NTRK3: variants seen among roughly 807,000 people sequenced by gnomAD.
The protein encoded by NTRK3 is neurotrophic receptor tyrosine kinase 3, also known as NT-3 growth factor receptor.
In NTRK3, 24 loss-of-function variants were observed where a neutral mutation model predicts 91.7. The observed-to-expected ratio is 0.26, with a 90% CI of 0.19 to 0.37. The LOEUF (loss-of-function observed/expected upper bound fraction) is 0.37. NTRK3 is among the 10% of genes least tolerant of loss of function. The pLI is 1.00. For missense variants in NTRK3, 880 were observed against 1,068.9 expected (o/e 0.82, Z 2.46); for synonymous variants, 483 against 404.0 (o/e 1.20, Z -2.34).
At chr15:88,142,746 G>A (rs1245306205) in intron 6 of NTRK3, among the ~76,000 whole-genome samples, 1 of 152,208 alleles carries the variant, frequency 6.6e-6, no homozygotes, top group Non-Finnish European at 1.5e-5. Context: ...CATTTCAAGT[G>A]AATACACTGG....
chr15:88,252,057 A>G (rs1295304584), intron 3 of NTRK3, among the ~76,000 whole-genome samples: 1 of 152,154 alleles, frequency 6.6e-6, no homozygotes, highest in East Asian at 1.9e-4. Context: ...CCAGGGCCTC[A>G]GGAGACCAAG....
Position 88,238,552 on chromosome 15 carries a change from G to A in NTRK3, c.248+17354C>T, listed in dbSNP as rs560511855. On this transcript the variant is annotated intron_variant, in intron 3 of 18. Transcript: ENST00000394480. ...TCTCCCTAGAGGCCAAGACTGTCAC[G>A]AAATTGGTTTGTATTCAGCCCACGA... Among the ~76,000 whole-genome samples the A allele has an allele frequency of 5.9e-5, 9 of 152,218 alleles. No homozygotes were observed. The South Asian group carries it at 1.2e-3, about 21-fold the overall frequency.
intron 14 of NTRK3, among the ~76,000 whole-genome samples, chr15:88,000,058 A>C (rs541185570): frequency 1.3e-5 from 2 of 152,296 alleles, no homozygotes; most frequent in Admixed American, 1.3e-4. Flanking sequence ...TCTTAGTGCT[A>C]TGATGGTGAT....
intron 14 of NTRK3, among the ~76,000 whole-genome samples, chr15:88,020,884 C>A (rs766862112): frequency 6.6e-6 from 1 of 152,232 alleles, no homozygotes; most frequent in Non-Finnish European, 1.5e-5. Context: ...ATATTCTCTT[C>A]TTTAAATAAG....
At chr15:87,944,373 G>C (rs993748695) in intron 14 of NTRK3, among the ~76,000 whole-genome samples, 1 of 152,216 alleles carries the variant, frequency 6.6e-6, no homozygotes, top group Non-Finnish European at 1.5e-5. Context: ...GTAGGGCAAA[G>C]GGAATTAACT....
At chr15:88,231,731 A>G (rs1313423402) in intron 3 of NTRK3, among the ~76,000 whole-genome samples, 1 of 152,152 alleles carries the variant, frequency 6.6e-6, no homozygotes, top group Non-Finnish European at 1.5e-5. Flanking sequence ...TGAGCGGTTT[A>G]AAGAGTTTTC....
chr15:88,107,464 C>T (rs2050842687), intron 13 of NTRK3, among the ~76,000 whole-genome samples: 1 of 152,084 alleles, frequency 6.6e-6, no homozygotes, highest in African/African-American at 2.4e-5. Context: ...CTATGAAGTG[C>T]AAAATAAAGG....
rs557031128 is a variant in NTRK3 at position 88,021,540 on chromosome 15, C to T, written c.1585+11317G>A. 9.7e-4 allele frequency among the ~76,000 whole-genome samples: 148 copies of T among 152,186 alleles called. 1 individual carries two copies. Among genetic ancestry groups the T allele is most frequent in the African/African-American group, 2.4e-3 (100 of 41,530 alleles). Reference sequence around the variant, plus strand: ...TAAAGGCTCTCAGAATCCTACAGTACGAAAGTTACTTAATCCAGGTTTTCC... The same window carrying T: ...TAAAGGCTCTCAGAATCCTACAGTATGAAAGTTACTTAATCCAGGTTTTCC... On this transcript the variant is annotated intron_variant, in intron 14 of 18. Coordinates refer to ENST00000394480, the Ensembl canonical transcript of NTRK3.
chr15:88,217,027 A>T (rs2049838348), intron 3 of NTRK3, among the ~76,000 whole-genome samples: 1 of 152,216 alleles, frequency 6.6e-6, no homozygotes, highest in African/African-American at 2.4e-5. Flanking sequence ...GACATACTTG[A>T]CATCACTAAT....
At chr15:87,894,411 T>C (rs1038522215) in intron 17 of NTRK3, among the ~76,000 whole-genome samples, 8 of 151,648 alleles carry the variant, frequency 5.3e-5, no homozygotes, top group Admixed American at 1.3e-4. Context: ...TGTGGGGAGG[T>C]GGTTTAGATG....
intron 17 of NTRK3, among the ~76,000 whole-genome samples, chr15:87,882,396 G>A (rs1348230413): frequency 5.9e-5 from 9 of 151,916 alleles, no homozygotes; most frequent in African/African-American, 1.9e-4. Context: ...GCAATTATTG[G>A]AACATAACAA....
At chr15:88,170,608 T>C (rs543558400) in intron 5 of NTRK3, among the ~76,000 whole-genome samples, 1 of 152,286 alleles carries the variant, frequency 6.6e-6, no homozygotes, top group Admixed American at 6.5e-5. Context: ...CTGTGCACCA[T>C]CTAAAGAGAA....
At chr15:87,955,207 C>T (rs943927515) in intron 14 of NTRK3, among the ~76,000 whole-genome samples, 6 of 152,170 alleles carry the variant, frequency 3.9e-5, no homozygotes, top group Admixed American at 2.6e-4. Context: ...GCCTTGTGCC[C>T]GTGGACACAG....
At chr15:87,878,596 G>C (rs1340923884) in intron 18 of NTRK3, among the ~76,000 whole-genome samples, 2 of 152,316 alleles carry the variant, frequency 1.3e-5, no homozygotes, top group East Asian at 3.9e-4. Flanking sequence ...AAAGGCACCT[G>C]GGAGTGTCTC....
intron 3 of NTRK3, among the ~76,000 whole-genome samples, chr15:88,195,667 G>A (rs1052819061): frequency 1.3e-5 from 2 of 152,220 alleles, no homozygotes; most frequent in African/African-American, 4.8e-5. Flanking sequence ...ATCCTTACTA[G>A]GCATCTTAGC....
chr15:88,200,503 T>C (rs1597911728), intron 3 of NTRK3, among the ~76,000 whole-genome samples: 1 of 152,084 alleles, frequency 6.6e-6, no homozygotes, highest in South Asian at 2.1e-4. Flanking sequence ...CTGTGGGAGG[T>C]AATTGAATCA....
chr15:88,175,536 G>T (rs1044564947), intron 5 of NTRK3, among the ~76,000 whole-genome samples: 4 of 152,098 alleles, frequency 2.6e-5, no homozygotes, highest in African/African-American at 9.7e-5. Context: ...TCATGATAAT[G>T]ATCAATTTTA....
chr15:88,200,430 C>T (rs917301554), intron 3 of NTRK3, among the ~76,000 whole-genome samples: 2 of 152,162 alleles, frequency 1.3e-5, no homozygotes, highest in Non-Finnish European at 2.9e-5. Flanking sequence ...TTTGGCTGTG[C>T]CCCCACCCAA....
rs75031415 is a variant in NTRK3, at chr15:88,100,072, T to G, written c.1396+26199A>C. Among the ~76,000 whole-genome samples, 1,168 of 152,296 alleles carry G rather than the reference T, an allele frequency of 7.7e-3. 10 individuals are homozygous for G. The highest frequency in any genetic ancestry group is 0.012 in the Non-Finnish European group (831 of 68,034). On this transcript the variant is annotated intron_variant, in intron 13 of 18. Transcript: ENST00000394480. ...TAAGCTTGAATTACTCTTCCAGTGA[T>G]GAGGATAAAGGTTTCCCCATCAAAT...
Sources: allele counts gnomAD v4.1 joint callset (sites outside exome capture counted in the v4.1 genomes callset), GRCh38; gene constraint gnomAD v4.1.1; transcripts MANE v1.5; gene names NCBI Gene and HGNC (gene_info 2026-07-23, HGNC 2026-07-21).